Variants in RTN1 observed in about 807,000 individuals in gnomAD.
The protein encoded by RTN1 is reticulon-1.
Under a neutral mutation model 65.5 loss-of-function variants are expected in RTN1, and 25 were observed. The observed-to-expected ratio is 0.38, with a 90% CI of 0.28 to 0.53. The LOEUF is 0.53. RTN1 is among the 20% of genes least tolerant of loss of function. The pLI, the probability that RTN1 is intolerant of heterozygous loss-of-function variation, is 0.79. For missense variants in RTN1, 983 were observed against 1,025.4 expected (o/e 0.96, Z 0.57); for synonymous variants, 471 against 447.6 (o/e 1.05, Z -0.66).
chr14:59,681,103 T>C (rs1169600495), intron 3 of RTN1, among the ~76,000 whole-genome samples: 1 of 152,162 alleles, frequency 6.6e-6, no homozygotes, highest in Non-Finnish European at 1.5e-5. Flanking sequence ...CCATTTTCTC[T>C]TTTTTCTCTG....
intron 3 of RTN1, among the ~76,000 whole-genome samples, chr14:59,634,335 A>G (rs995000005): frequency 1.3e-5 from 2 of 152,222 alleles, no homozygotes; most frequent in African/African-American, 4.8e-5. Flanking sequence ...AATAAAAGGC[A>G]CAGAACCAAA....
At chr14:59,744,683 G>C (rs766717446) in intron 2 of RTN1, among the ~76,000 whole-genome samples, 2 of 152,110 alleles carry the variant, frequency 1.3e-5, no homozygotes, top group Admixed American at 1.3e-4. Flanking sequence ...GGGAAGGGAG[G>C]AGTTTGCTTT....
chr14:59,662,582 C>T (rs1336160946), intron 3 of RTN1, among the ~76,000 whole-genome samples: 3 of 151,796 alleles, frequency 2.0e-5, no homozygotes, highest in Admixed American at 6.6e-5. Flanking sequence ...TCGGTTGGTT[C>T]CAGGTCTTTA....
At chr14:59,831,989 T>A (rs1418371269) in intron 1 of RTN1, among the ~76,000 whole-genome samples, 2 of 152,062 alleles carry the variant, frequency 1.3e-5, no homozygotes, top group Non-Finnish European at 2.9e-5. Context: ...TCACAATACA[T>A]GCCAAGCTCC....
At chr14:59,749,047 C>G (rs1885291801) in intron 1 of RTN1, among the ~76,000 whole-genome samples, 2 of 148,786 alleles carry the variant, frequency 1.3e-5, no homozygotes, top group South Asian at 4.2e-4. Flanking sequence ...CCATGGCCTC[C>G]CCAGTGCTGG....
intron 3 of RTN1, among the ~76,000 whole-genome samples, chr14:59,711,489 A>G (rs1465858013): frequency 1.3e-5 from 2 of 152,240 alleles, no homozygotes; most frequent in Non-Finnish European, 2.9e-5. Flanking sequence ...TTTGGACTCA[A>G]TAACATTTAA....
At position 59,790,313 on chromosome 14, in the gene RTN1, GT is replaced by G. The variant is rs1886325922; in HGVS notation, c.242-43833del. Among the ~76,000 whole-genome samples, 1 of 151,908 alleles carries G rather than the reference GT, an allele frequency of 6.6e-6. No homozygotes were observed. Among genetic ancestry groups the G allele is most frequent in the Non-Finnish European group, 1.5e-5 (1 of 67,944 alleles). On this transcript the variant is annotated intron_variant, in intron 1 of 8. Coordinates refer to ENST00000267484, the MANE Select transcript of RTN1 (RefSeq NM_021136.3). This position sits in a 1 kb window ranked among gnomAD's most constrained non-coding sequence, Gnocchi z 4.1. ...CACACACACCTCTAGGAAAAAAGTA[GT>G]GGGAAATATGGCAACACATTGATAG... is the stretch of plus-strand genomic sequence containing the variant.
chr14:59,776,174 G>T (rs1195642416), intron 1 of RTN1, among the ~76,000 whole-genome samples: 2 of 152,052 alleles, frequency 1.3e-5, no homozygotes, highest in African/African-American at 4.8e-5. Context: ...AAGGTCCATT[G>T]CTATGGGCCT....
chr14:59,671,122 G>A (rs1026353454), intron 3 of RTN1, among the ~76,000 whole-genome samples: 1 of 152,130 alleles, frequency 6.6e-6, no homozygotes, highest in Non-Finnish European at 1.5e-5. Flanking sequence ...TAGGGAGGAG[G>A]GAGGGTTGTT....
intron 1 of RTN1, among the ~76,000 whole-genome samples, chr14:59,755,258 T>C (rs1885613790): frequency 6.6e-6 from 1 of 152,208 alleles, no homozygotes; most frequent in African/African-American, 2.4e-5. Flanking sequence ...TGGCTTACCC[T>C]TCTCCCTGGA....
intron 1 of RTN1, among the ~76,000 whole-genome samples, chr14:59,827,043 A>C (rs867669645): frequency 4.6e-5 from 7 of 152,050 alleles, no homozygotes; most frequent in Admixed American, 2.6e-4. Flanking sequence ...AAATGCATCA[A>C]CAAGGACATG....
At chr14:59,791,762 T>A (rs1414944338) in intron 1 of RTN1, among the ~76,000 whole-genome samples, 1 of 152,236 alleles carries the variant, frequency 6.6e-6, no homozygotes, top group African/African-American at 2.4e-5. Context: ...CAATTAGTAC[T>A]GAGCATAATT....
chr14:59,694,155 ACTCAG>A lies in RTN1; in HGVS notation c.1765+32759_1765+32763del, dbSNP rs1451278663. On this transcript the variant is annotated intron_variant, in intron 3 of 8. Transcript: ENST00000267484. Reference sequence around the variant, plus strand: ...TCCTTCTTTAGCCAGGCATTTCATCACTCAGCTCTTATTCCCCAGTTGGTCATTCA... The same window carrying A: ...TCCTTCTTTAGCCAGGCATTTCATCACTCTTATTCCCCAGTTGGTCATTCA... 2.6e-5 allele frequency among the ~76,000 whole-genome samples: 4 copies of A among 152,274 alleles called. No individual in the cohort carries two copies. The East Asian group carries it at 7.7e-4, about 29-fold the overall frequency.
rs1887418050 is a variant in RTN1 at position 59,846,756 on chromosome 14, G to A, written c.241+23634C>T. On this transcript the variant is annotated intron_variant, in intron 1 of 8. Coordinates refer to ENST00000267484, the MANE Select transcript of RTN1 (RefSeq NM_021136.3). The surrounding 1 kb of genome is among the most constrained non-coding windows in gnomAD (Gnocchi z 4.8). ...GACTTTGTGTAGTCTGGCTCCAAGT[G>A]CCCCTTGGTTCGTAGCCAGGTGTCC... Among the ~76,000 whole-genome samples the A allele has an allele frequency of 6.6e-6, 1 of 152,086 alleles. No individual in the cohort carries two copies. The highest frequency in any genetic ancestry group is 2.1e-4 in the South Asian group (1 of 4,820).
chr14:59,791,999 C>T (rs902011380), intron 1 of RTN1, among the ~76,000 whole-genome samples: 1 of 152,066 alleles, frequency 6.6e-6, no homozygotes, highest in Non-Finnish European at 1.5e-5. Flanking sequence ...CTCACACTCT[C>T]CTGCCCCCTC....
chr14:59,732,866 C>A (rs1223348690), intron 2 of RTN1, among the ~76,000 whole-genome samples: 1 of 152,212 alleles, frequency 6.6e-6, no homozygotes, highest in African/African-American at 2.4e-5. Context: ...ATAAGGCCCA[C>A]TGGCTCGGAA....
intron 3 of RTN1, among the ~76,000 whole-genome samples, chr14:59,666,970 A>C (rs1883391812): frequency 6.9e-6 from 1 of 144,498 alleles, no homozygotes; most frequent in South Asian, 2.2e-4. Flanking sequence ...ACCAAAAAAA[A>C]AAAAAAAAAA....
chr14:59,806,653 T>C (rs1886644414), intron 1 of RTN1, among the ~76,000 whole-genome samples: 1 of 152,168 alleles, frequency 6.6e-6, no homozygotes, highest in Non-Finnish European at 1.5e-5. Flanking sequence ...TGTCTGTTGT[T>C]CCCCTCCATG....
At chr14:59,670,172 G>A (rs1308342885) in intron 3 of RTN1, among the ~76,000 whole-genome samples, 1 of 152,186 alleles carries the variant, frequency 6.6e-6, no homozygotes, top group African/African-American at 2.4e-5. Context: ...ATAGTGTAGT[G>A]AGATAGTGTA....
Sources: gnomAD v4.1 joint callset for allele counts (sites outside exome capture counted in the v4.1 genomes callset) on GRCh38, gnomAD v4.1.1 for gene constraint, Gnocchi (gnomAD v3.1) non-coding constraint, MANE v1.5 for transcripts, NCBI Gene and HGNC (gene_info 2026-07-23, HGNC 2026-07-21) for gene names.